The following MUSK variants were observed in gnomAD, a reference collection of about 807,000 sequenced individuals.
The protein encoded by MUSK is muscle, skeletal receptor tyrosine-protein kinase.
A neutral mutation model predicts 88.7 loss-of-function variants in MUSK; 55 were observed. The ratio of observed to expected loss-of-function variants is 0.62; its 90% CI spans 0.50 to 0.78. MUSK has a LOEUF of 0.78. Among genes scored for constraint, MUSK ranks in the 30% least tolerant of loss-of-function variants. The pLI, the probability that MUSK is intolerant of heterozygous loss-of-function variation, is 0.00. For missense variants in MUSK, 1,015 were observed against 1,074.3 expected, an observed-to-expected ratio of 0.94 and a Z score of 0.77; for synonymous variants, 387 against 391.9, an observed-to-expected ratio of 0.99 and a Z score of 0.15.
In MUSK at chr9:110,734,328, A is replaced by G; in HGVS notation, c.706A>G (p.Thr236Ala). ...GSFVTLHCTA[T>A]GIPVPTITWI... Reference sequence around the variant, plus strand: ...CTTTGTGACCCTGCACTGTACAGCAACAGGCATTCCTGTCCCCACCATCAC... The same window carrying G: ...CTTTGTGACCCTGCACTGTACAGCAGCAGGCATTCCTGTCCCCACCATCAC... Residue 236 changes from threonine to alanine, a missense_variant, in exon 6 of 15, where the codon ACA becomes GCA. By Grantham distance (58) the Thr-to-Ala change is moderately conservative. Coordinates refer to ENST00000374448, the MANE Select transcript of MUSK (RefSeq NM_005592.4). 6.2e-7 allele frequency: 1 copy of G among 1,613,326 alleles called. No individual in the cohort carries two copies. Among genetic ancestry groups the G allele is most frequent in the East Asian group, 2.2e-5 (1 of 44,838 alleles).
chr9:110,714,047 T>C (rs1564239782), intron 5 of MUSK, among the ~76,000 whole-genome samples: 1 of 152,130 alleles, frequency 6.6e-6, no homozygotes, highest in Non-Finnish European at 1.5e-5. Flanking sequence ...AAGAAATACT[T>C]CTTTGTCCTG....
At chr9:110,691,465 C>T (rs73657640) in intron 3 of MUSK, among the ~76,000 whole-genome samples, 9 of 152,050 alleles carry the variant, frequency 5.9e-5, no homozygotes, top group Admixed American at 3.3e-4. Flanking sequence ...TACCTTGATT[C>T]GTCTCTGTTC....
At chr9:110,757,627 C>G (rs186792532) in intron 7 of MUSK, among the ~76,000 whole-genome samples, 8 of 149,652 alleles carry the variant, frequency 5.3e-5, no homozygotes, top group Admixed American at 3.3e-4. Flanking sequence ...TGAACACTTG[C>G]ATTATTCTTT....
At chr9:110,701,691 TTTA>T (rs1412597647) in intron 5 of MUSK, among the ~76,000 whole-genome samples, 4 of 224 alleles carry the variant, frequency 0.018, no homozygotes, top group Admixed American at 0.11. Flanking sequence ...TTTACTTTAC[TTTA>T]TTTTATTTTA....
intron 8 of MUSK, among the ~76,000 whole-genome samples, chr9:110,764,635 A>ATAGATAGATAGG (rs1205101959): frequency 4.0e-5 from 6 of 150,736 alleles, no homozygotes; most frequent in African/African-American, 1.2e-4. Context: ...AGATAGATAG[A>ATAGATAGATAGG]TAGGTAGGTA....
chr9:110,707,743 A>G (rs73657645), intron 5 of MUSK, among the ~76,000 whole-genome samples: 4,792 of 152,258 alleles, frequency 0.031, 249 homozygotes, highest in African/African-American at 0.1. Flanking sequence ...AAAAGAAGAG[A>G]GTCCTTCTGG....
intron 5 of MUSK, among the ~76,000 whole-genome samples, chr9:110,699,105 C>T (rs1359592498): frequency 6.6e-6 from 1 of 152,110 alleles, no homozygotes; most frequent in Non-Finnish European, 1.5e-5. Context: ...AAAATTATCA[C>T]CGAACTCCAT....
At chr9:110,690,879 T>C (rs1237599224) in intron 3 of MUSK, among the ~76,000 whole-genome samples, 1 of 140,202 alleles carries the variant, frequency 7.1e-6, no homozygotes, top group East Asian at 2.0e-4. Context: ...AATAAATATA[T>C]ATATATTTTT....
intron 7 of MUSK, chr9:110,761,801 C>G (rs1025501519): frequency 2.8e-5 from 9 of 319,738 alleles, no homozygotes; most frequent in African/African-American, 1.8e-4. Flanking sequence ...GTCTCGATCT[C>G]CTGACCTCAT....
At chr9:110,683,165 C>A (rs150801737) in intron 2 of MUSK, among the ~76,000 whole-genome samples, 1 of 151,996 alleles carries the variant, frequency 6.6e-6, no homozygotes, top group Non-Finnish European at 1.5e-5. Flanking sequence ...CATCCTTTTA[C>A]GCTCCATGTC....
intron 7 of MUSK, among the ~76,000 whole-genome samples, chr9:110,749,307 C>T (rs1311106084): frequency 6.6e-6 from 1 of 152,070 alleles, no homozygotes; most frequent in Admixed American, 6.6e-5. Context: ...CAAAATACAA[C>T]AGCAGAACAA....
At chr9:110,791,169 C>T (rs960868976) in intron 14 of MUSK, among the ~76,000 whole-genome samples, 5 of 151,224 alleles carry the variant, frequency 3.3e-5, no homozygotes, top group South Asian at 4.2e-4. Context: ...ACGCAGAAGA[C>T]GGGTGATTTC....
At chr9:110,689,542 GTTATATATATTTATATA>G (rs1159816178) in intron 3 of MUSK, among the ~76,000 whole-genome samples, 1 of 101,106 alleles carries the variant, frequency 9.9e-6, no homozygotes, top group Non-Finnish European at 1.7e-5. Context: ...TAAATATATA[GTTATATATATTTATATA>G]TTATATATAT....
At chr9:110,708,118 A>ATCTG (rs2131760197) in intron 5 of MUSK, among the ~76,000 whole-genome samples, 1 of 152,178 alleles carries the variant, frequency 6.6e-6, no homozygotes, top group Admixed American at 6.5e-5. Flanking sequence ...CTATCTATCT[A>ATCTG]TCTATCTATC....
At chr9:110,787,966 A>G in intron 14 of MUSK, 128 bp downstream of exon 14, 1 of 1,083,350 alleles carries the variant, frequency 9.2e-7, no homozygotes, top group South Asian at 1.4e-5. Context: ...TTTCAAATTT[A>G]GCTTCTTCAC....
chr9:110,699,135 G>C (rs1462036911), intron 5 of MUSK, among the ~76,000 whole-genome samples: 1 of 152,144 alleles, frequency 6.6e-6, no homozygotes, highest in Non-Finnish European at 1.5e-5. Context: ...TTATTATACA[G>C]TTTGGTTTTG....
chr9:110,727,643 C>A (rs572073817), intron 5 of MUSK: 1 of 203,068 alleles, frequency 4.9e-6, no homozygotes, highest in Non-Finnish European at 1.1e-5. Context: ...CGGTTGCTGG[C>A]GGAACATTTC....
intron 6 of MUSK, among the ~76,000 whole-genome samples, chr9:110,738,550 G>A (rs975465843): frequency 6.6e-6 from 1 of 152,106 alleles, no homozygotes; most frequent in Non-Finnish European, 1.5e-5. Flanking sequence ...GCATCCAATG[G>A]CATTCACAGT....
At chr9:110,769,746 A>C (rs2077540525) in intron 9 of MUSK, among the ~76,000 whole-genome samples, 1 of 152,214 alleles carries the variant, frequency 6.6e-6, no homozygotes, top group South Asian at 2.1e-4. Flanking sequence ...TGTAACCAGC[A>C]AAATAAAGTG....
Sources: allele counts gnomAD v4.1 joint callset (sites outside exome capture counted in the v4.1 genomes callset), GRCh38; gene constraint gnomAD v4.1.1; transcripts MANE v1.5; gene names NCBI Gene and HGNC (gene_info 2026-07-23, HGNC 2026-07-21).